The following CYP3A43 variants were observed in gnomAD, a reference collection of about 807,000 sequenced individuals.
CYP3A43 encodes the protein cytochrome P450 family 3 subfamily A member 43, also known as cytochrome P450 3A43.
A neutral mutation model predicts 58.0 loss-of-function variants in CYP3A43; 45 were observed. The ratio of observed to expected loss-of-function variants is 0.78; its 90% CI spans 0.61 to 0.99. The LOEUF (loss-of-function observed/expected upper bound fraction) is 0.99. Ranked by LOEUF, CYP3A43 falls within the 50% of genes least tolerant of loss-of-function variation. CYP3A43 has a pLI of 0.00. For synonymous variants in CYP3A43, 191 were observed against 201.4 expected, an observed-to-expected ratio of 0.95 and a Z score of 0.44; for missense variants, 593 against 591.9, an observed-to-expected ratio of 1.00 and a Z score of -0.02.
Position 99,828,110 on chromosome 7 carries a change from C to T in CYP3A43, c.-6C>T, listed in dbSNP as rs749331044. 6.2e-7 allele frequency: 1 copy of T among 1,612,554 alleles called. No homozygotes were observed. Among genetic ancestry groups the T allele is most frequent in the Non-Finnish European group, 8.5e-7 (1 of 1,179,110 alleles). ...CAGAAGACAGAGCTGAAAAAGAAAACTGGTGATGGATCTCATTCCAAACTT... is the reference window on the plus strand; with the variant it reads ...CAGAAGACAGAGCTGAAAAAGAAAATTGGTGATGGATCTCATTCCAAACTT... On this transcript the variant is annotated 5_prime_UTR_variant, in exon 1 of 13. Transcript: ENST00000354829.
intron 7 of CYP3A43, 74 bp from the exon 8 acceptor site, chr7:99,855,517 T>C (rs1288382794): frequency 2.6e-6 from 4 of 1,510,124 alleles, no homozygotes; most frequent in Non-Finnish European, 2.7e-6. Context: ...TAGAGAAAAT[T>C]GTAATTGTTG....
At chr7:99,855,753 C>G (rs1436034395) in intron 8 of CYP3A43, 35 bp downstream of exon 8, 4 of 1,562,914 alleles carry the variant, frequency 2.6e-6, no homozygotes, top group Non-Finnish European at 3.5e-6. Context: ...AGAATGTTCA[C>G]TTTTTTATTA....
chr7:99,829,598 A>G (rs1275383934), intron 1 of CYP3A43, among the ~76,000 whole-genome samples: 2 of 152,174 alleles, frequency 1.3e-5, no homozygotes, highest in Non-Finnish European at 2.9e-5. Flanking sequence ...ACCATTGCCT[A>G]CCTCTACTCC....
At chr7:99,855,146 C>G (rs1192072245) in intron 7 of CYP3A43, among the ~76,000 whole-genome samples, 4 of 152,200 alleles carry the variant, frequency 2.6e-5, no homozygotes, top group African/African-American at 9.7e-5. Context: ...TCCCTAAGTG[C>G]AATTCTCTTG....
At position 99,853,717 on chromosome 7, in the gene CYP3A43, C is replaced by T. The variant is rs537182632; in HGVS notation, c.671-1874C>T. Among the ~76,000 whole-genome samples, 11 of 152,084 alleles carry T rather than the reference C, an allele frequency of 7.2e-5. No homozygotes were observed. The South Asian group carries it at 1.5e-3, about 20-fold the overall frequency. ...GACTACAGGCATGCAATACTATGCC[C>T]GGCTAATTTTTGTATTTTTAGTAAA... On this transcript the variant is annotated intron_variant, in intron 7 of 12. Coordinates refer to ENST00000354829, the MANE Select transcript of CYP3A43 (RefSeq NM_057095.3).
intron 5 of CYP3A43, 30 bp from the exon 6 acceptor site, chr7:99,848,136 T>C (rs1817608674): frequency 1.9e-6 from 3 of 1,608,904 alleles, no homozygotes; most frequent in Non-Finnish European, 2.6e-6. Flanking sequence ...CGAGTCTGCG[T>C]AGTTAACTAT....
intron 1 of CYP3A43, among the ~76,000 whole-genome samples, chr7:99,830,504 G>C (rs993758075): frequency 2.0e-5 from 3 of 151,284 alleles, no homozygotes; most frequent in Non-Finnish European, 4.4e-5. Flanking sequence ...AACAACAAGA[G>C]CAAAACTTAG....
In CYP3A43 at chr7:99,844,164, C is replaced by T; in HGVS notation, c.240C>T (p.Pro80=). The change falls in exon 4 of 13, where the codon CCC becomes CCT. Residue 80 remains proline (P), a synonymous_variant. Transcript: ENST00000354829. ...ACAGGCTGTATGAGGGGCAACAGCCCATGCTGGTCATCATGGATCCCGACA... is the reference window on the plus strand; with the variant it reads ...ACAGGCTGTATGAGGGGCAACAGCCTATGCTGGTCATCATGGATCCCGACA... The part of the protein sequence containing the change: ...EMWGLYEGQQ[P]MLVIMDPDMI... 1.2e-6 allele frequency: 2 copies of T among 1,613,848 alleles called. No homozygotes were observed. Among genetic ancestry groups the T allele is most frequent in the Non-Finnish European group, 1.7e-6 (2 of 1,179,940 alleles).
intron 10 of CYP3A43, among the ~76,000 whole-genome samples, chr7:99,860,218 G>A (rs768596622): frequency 2.0e-5 from 3 of 152,212 alleles, no homozygotes; most frequent in Non-Finnish European, 4.4e-5. Context: ...TGCTGCATCC[G>A]TTGTCTGTTA....
intron 7 of CYP3A43, among the ~76,000 whole-genome samples, chr7:99,854,300 G>A (rs979813023): frequency 3.3e-5 from 5 of 150,104 alleles, no homozygotes; most frequent in Admixed American, 6.7e-5. Context: ...TCTGCCTCCC[G>A]GGTTTAAGCA....
chr7:99,840,149 T>TG (rs1189838060), intron 3 of CYP3A43, among the ~76,000 whole-genome samples: 2 of 152,202 alleles, frequency 1.3e-5, no homozygotes, highest in African/African-American at 4.8e-5. Flanking sequence ...AGAAATGATT[T>TG]GGGGGGCTGC....
intron 7 of CYP3A43, among the ~76,000 whole-genome samples, chr7:99,852,247 T>C (rs1817790486): frequency 6.6e-6 from 1 of 152,222 alleles, no homozygotes; most frequent in South Asian, 2.1e-4. Context: ...GTCCTGCAAC[T>C]TGATTCTTTT....
intron 2 of CYP3A43, 110 bp from the exon 3 acceptor site, chr7:99,839,010 A>G: frequency 7.9e-7 from 1 of 1,262,324 alleles, no homozygotes; most frequent in Non-Finnish European, 1.1e-6. Flanking sequence ...AGTAAATGGT[A>G]GCAAGCCTAA....
chr7:99,833,832 T>A (rs1033606905), intron 1 of CYP3A43, among the ~76,000 whole-genome samples: 1 of 152,234 alleles, frequency 6.6e-6, no homozygotes, highest in Non-Finnish European at 1.5e-5. Flanking sequence ...TATAGTTGAC[T>A]GAATACTCCT....
chr7:99,836,349 T>C, intron 1 of CYP3A43, 104 bp from the exon 2 acceptor site: 1 of 823,814 alleles, frequency 1.2e-6, no homozygotes, highest in Admixed American at 2.4e-5. Context: ...GCCTCCATGT[T>C]ACCTCCCTCC....
At chr7:99,840,714 C>T (rs1262767556) in intron 3 of CYP3A43, among the ~76,000 whole-genome samples, 1 of 152,178 alleles carries the variant, frequency 6.6e-6, no homozygotes, top group African/African-American at 2.4e-5. Context: ...CAGGTCGCAG[C>T]TACCCCTGTG....
In CYP3A43 at chr7:99,836,705, G is replaced by A. The variant is rs112726251; in HGVS notation, c.165+159G>A. Among the ~76,000 whole-genome samples the A allele has an allele frequency of 7.5e-3, 1,135 of 152,284 alleles. 11 individuals carry two copies. Among genetic ancestry groups the A allele is most frequent in the African/African-American group, 0.025 (1,043 of 41,552 alleles). On this transcript the variant is annotated intron_variant, in intron 2 of 12. Coordinates refer to ENST00000354829, the MANE Select transcript of CYP3A43 (RefSeq NM_057095.3). ...CCAGAGCAGGGCCAGGTTTATACCA[G>A]GACTCTCATCTTAATGGTCAGGGGG...
rs959282383 is a variant in CYP3A43 at position 99,848,066 on chromosome 7, A to T, written c.433-100A>T. Reference sequence around the variant, plus strand: ...TATTTATGTCCTAGAGGACATGGTGAGTCATTACAAAATATCATTTACTGT... The same window carrying T: ...TATTTATGTCCTAGAGGACATGGTGTGTCATTACAAAATATCATTTACTGT... On this transcript the variant is annotated intron_variant, in intron 5 of 12. Coordinates refer to ENST00000354829, the MANE Select transcript of CYP3A43 (RefSeq NM_057095.3). The T allele has an allele frequency of 5.1e-5, 58 of 1,141,902 alleles. No individual in the cohort carries two copies. In the African/African-American group the frequency reaches 8.9e-4, roughly 18 times the overall value. 70.7% of individuals were successfully genotyped at this position (1,141,902 alleles called of 1,614,324 possible). A position where few individuals can be genotyped will look rare whatever the true frequency, so the allele number is the denominator to read the frequency against.
rs1031290120 is a variant in CYP3A43, at chr7:99,861,593, A to T, written c.1027-20A>T. ...TAATTCCCAATCTCAATTTATCCAA[A>T]TCTGTTTCTTTCTTCCCAGGCACCT... On this transcript the variant is annotated intron_variant, in intron 10 of 12. Transcript: ENST00000354829. 6.2e-7 allele frequency: 1 copy of T among 1,607,726 alleles called. No individual in the cohort carries two copies. Among genetic ancestry groups the T allele is most frequent in the Non-Finnish European group, 8.5e-7 (1 of 1,175,930 alleles).
Sources: allele counts gnomAD v4.1 joint callset (sites outside exome capture counted in the v4.1 genomes callset), GRCh38; gene constraint gnomAD v4.1.1; transcripts MANE v1.5; gene names NCBI Gene and HGNC (gene_info 2026-07-23, HGNC 2026-07-21).